ENTREP2: variants seen among roughly 807,000 people sequenced by gnomAD.
ENTREP2 encodes the protein endosomal transmembrane epsin interactor 2.
the ENTREP2 span, among the ~76,000 whole-genome samples, chr15:29,454,204 T>C: frequency 3.6e-3 from 544 of 152,350 alleles, 5 homozygotes; most frequent in African/African-American, 0.012. Context: ...CTTGTGAGGT[T>C]TGGTACTTTT....
chr15:29,558,541 A>G, the ENTREP2 span, among the ~76,000 whole-genome samples: 131,644 of 149,950 alleles, frequency 0.88, 57,859 homozygotes, highest in East Asian at 0.95. Flanking sequence ...CAAACCCTTC[A>G]CCCAGGTGGG....
the ENTREP2 span, among the ~76,000 whole-genome samples, chr15:29,335,658 G>C: frequency 1.3e-5 from 2 of 152,162 alleles, no homozygotes; most frequent in Non-Finnish European, 2.9e-5. Context: ...AGTAGGGCCA[G>C]GGGTCGCTGC....
the ENTREP2 span, among the ~76,000 whole-genome samples, chr15:29,332,561 G>A: frequency 3.3e-5 from 5 of 152,266 alleles, no homozygotes; most frequent in South Asian, 2.1e-4. Flanking sequence ...ATAAATAACC[G>A]TGGTAAGAAG....
At chr15:29,269,182 G>C in the ENTREP2 span, 1 of 1,614,190 alleles carries the variant, frequency 6.2e-7, no homozygotes, top group Non-Finnish European at 8.5e-7. Context: ...GAGGCCCGTA[G>C]TGGGCGTGCC....
chr15:29,284,151 G>C, the ENTREP2 span, among the ~76,000 whole-genome samples: 20 of 152,182 alleles, frequency 1.3e-4, no homozygotes. Context: ...AAGATTGAAA[G>C]GGTTCTGAAA....
the ENTREP2 span, among the ~76,000 whole-genome samples, chr15:29,635,760 C>T: frequency 6.6e-6 from 1 of 152,204 alleles, no homozygotes; most frequent in Admixed American, 6.5e-5. Flanking sequence ...GAGGTGTCTG[C>T]TCCAGCCACC....
chr15:29,447,435 G>C, the ENTREP2 span, among the ~76,000 whole-genome samples: 2 of 152,190 alleles, frequency 1.3e-5, no homozygotes, highest in African/African-American at 4.8e-5. Flanking sequence ...GTCTGACTGG[G>C]CTAGTCCTTC....
the ENTREP2 span, among the ~76,000 whole-genome samples, chr15:29,648,405 G>C: frequency 1.3e-5 from 2 of 152,204 alleles, no homozygotes; most frequent in African/African-American, 4.8e-5. Context: ...AAGCCCATTA[G>C]CTCAGGCTGG....
chr15:29,349,453 A>C, the ENTREP2 span, among the ~76,000 whole-genome samples: 1 of 152,162 alleles, frequency 6.6e-6, no homozygotes. Flanking sequence ...TATGGGACTT[A>C]TTTACATGGC....
the ENTREP2 span, among the ~76,000 whole-genome samples, chr15:29,488,445 G>C: frequency 3.3e-5 from 5 of 152,212 alleles, no homozygotes; most frequent in Non-Finnish European, 7.4e-5. Flanking sequence ...CCAATACCAA[G>C]TACATAACAG....
At chr15:29,258,880 G>A in the ENTREP2 span, among the ~76,000 whole-genome samples, 1 of 152,182 alleles carries the variant, frequency 6.6e-6, no homozygotes, top group Non-Finnish European at 1.5e-5. Context: ...ATAGCATAAT[G>A]TCTTCAAGGT....
chr15:29,549,699 C>T, the ENTREP2 span, among the ~76,000 whole-genome samples: 1 of 152,226 alleles, frequency 6.6e-6, no homozygotes. Flanking sequence ...CTGCCCAGTT[C>T]ATCCCTGGAC....
chr15:29,154,944 A>T, the ENTREP2 span, among the ~76,000 whole-genome samples: 1 of 152,126 alleles, frequency 6.6e-6, no homozygotes, highest in African/African-American at 2.4e-5. Context: ...ATAGAACCCC[A>T]TGCACATGTG....
At chr15:29,588,211 A>G in the ENTREP2 span, among the ~76,000 whole-genome samples, 1 of 152,262 alleles carries the variant, frequency 6.6e-6, no homozygotes, top group African/African-American at 2.4e-5. Flanking sequence ...ATTTTCAGGA[A>G]ACTCAGAAGA....
the ENTREP2 span, among the ~76,000 whole-genome samples, chr15:29,461,005 C>T: frequency 2.6e-5 from 4 of 152,164 alleles, no homozygotes; most frequent in African/African-American, 9.7e-5. Context: ...TATAGTGCCT[C>T]ACTATAGAAC....
the ENTREP2 span, chr15:29,233,525 A>G: frequency 1.9e-6 from 1 of 520,098 alleles, no homozygotes. Context: ...AATAATTTGT[A>G]TAGGCCAAAC....
chr15:29,627,330 G>C, the ENTREP2 span, among the ~76,000 whole-genome samples: 2 of 152,066 alleles, frequency 1.3e-5, no homozygotes, highest in African/African-American at 2.4e-5. Context: ...GGATCACGAG[G>C]TCAAGACATC....
chr15:29,237,902 A>G, the ENTREP2 span, among the ~76,000 whole-genome samples: 15 of 152,324 alleles, frequency 9.8e-5, no homozygotes, highest in Admixed American at 2.6e-4. Context: ...TTGTATATAA[A>G]TGTTTATAGC....
the ENTREP2 span, among the ~76,000 whole-genome samples, chr15:29,518,836 C>A: frequency 2.0e-5 from 3 of 152,184 alleles, no homozygotes; most frequent in African/African-American, 7.2e-5. Flanking sequence ...CCTGACAAAG[C>A]CTCTTATGGC....
Sources: allele counts gnomAD v4.1 joint callset (sites outside exome capture counted in the v4.1 genomes callset), GRCh38; gene constraint gnomAD v4.1.1; transcripts MANE v1.5; gene names NCBI Gene and HGNC (gene_info 2026-07-23, HGNC 2026-07-21).